TSPAN15: variants seen among roughly 807,000 people sequenced by gnomAD.
TSPAN15 encodes the protein tetraspanin 15.
A neutral mutation model predicts 34.5 loss-of-function variants in TSPAN15; 20 were observed. That is an observed-to-expected ratio of 0.58 (90% CI 0.41 to 0.84). The LOEUF (loss-of-function observed/expected upper bound fraction) is 0.84. Among genes scored for constraint, TSPAN15 ranks in the 40% least tolerant of loss-of-function variants. The pLI, the probability that TSPAN15 is intolerant of heterozygous loss-of-function variation, is 0.00. For synonymous variants in TSPAN15, 155 were observed against 153.9 expected (o/e 1.01, Z -0.05); for missense variants, 313 against 386.1 (o/e 0.81, Z 1.59).
the TSPAN15 span, among the ~76,000 whole-genome samples, chr10:69,514,825 T>C: frequency 1.1e-4 from 17 of 152,258 alleles, no homozygotes; most frequent in African/African-American, 3.6e-4. Context: ...TATTCCCATC[T>C]TAAACAAGGA....
At chr10:69,524,643 A>C in the TSPAN15 span, among the ~76,000 whole-genome samples, 2 of 146,666 alleles carry the variant, frequency 1.4e-5, 1 homozygote, top group Non-Finnish European at 3.0e-5. Context: ...CAAACTAGAA[A>C]AAAAAAAAAA....
downstream of TSPAN15, among the ~76,000 whole-genome samples, chr10:69,508,233 G>A (rs1202841798): frequency 6.6e-6 from 1 of 151,702 alleles, no homozygotes; most frequent in Non-Finnish European, 1.5e-5. Context: ...ACGAGGTCAG[G>A]TGTTCGAGAC....
the TSPAN15 span, among the ~76,000 whole-genome samples, chr10:69,530,814 CTCTCTCTATATATATATATATA>C: frequency 1.6e-3 from 100 of 61,342 alleles, 3 homozygotes; most frequent in South Asian, 5.5e-3. Flanking sequence ...CTCTCTCTCT[CTCTCTCTATATATATATATATA>C]TATATATATA....
At chr10:69,497,344 C>T (rs996089516) in intron 4 of TSPAN15, among the ~76,000 whole-genome samples, 3 of 152,196 alleles carry the variant, frequency 2.0e-5, no homozygotes, top group Non-Finnish European at 2.9e-5. Flanking sequence ...CATGGTCCAG[C>T]CTGTGCCGCC....
downstream of TSPAN15, among the ~76,000 whole-genome samples, chr10:69,509,473 C>G (rs1842394249): frequency 6.7e-6 from 1 of 148,508 alleles, no homozygotes; most frequent in Admixed American, 6.7e-5. Flanking sequence ...CCTTTAAATT[C>G]TGGATATTAG....
intron 5 of TSPAN15, 21 bp downstream of exon 5, chr10:69,498,417 G>T (rs1842134807): frequency 6.9e-6 from 11 of 1,601,980 alleles, no homozygotes; most frequent in Non-Finnish European, 9.4e-6. Context: ...CTCCTGTGGG[G>T]ACTGGGGGGC....
chr10:69,507,126 A>G lies in TSPAN15; in HGVS notation c.*148A>G. Reference sequence around the variant, plus strand: ...CTGTGTGTGCCTGTGTGTAGGTCCCACGGCCTCTGCCTCCCCAGGGAGCAG... The same window carrying G: ...CTGTGTGTGCCTGTGTGTAGGTCCCGCGGCCTCTGCCTCCCCAGGGAGCAG... On this transcript the variant is annotated 3_prime_UTR_variant, in exon 8 of 8. Transcript: ENST00000373290. 1 of 1,455,922 alleles carries G rather than the reference A, an allele frequency of 6.9e-7. No homozygotes were observed. The highest frequency in any genetic ancestry group is 2.5e-5 in the East Asian group (1 of 39,292). 90.2% of individuals were successfully genotyped at this position (1,455,922 alleles called of 1,614,324 possible). A position where few individuals can be genotyped will look rare whatever the true frequency, so the allele number is the denominator to read the frequency against.
intron 1 of TSPAN15, among the ~76,000 whole-genome samples, chr10:69,462,643 G>A (rs10823384): frequency 0.4 from 60,694 of 152,056 alleles, 12,628 homozygotes; most frequent in Non-Finnish European, 0.45. Context: ...CCCTACCTGT[G>A]ATTTTTAAAC....
At position 69,481,756 on chromosome 10, in the gene TSPAN15, CAT is replaced by C. The variant is rs1273691774; in HGVS notation, c.97-1934_97-1933del. ...TTCCTTGGACCCTAGCTGACAGCAC[CAT>C]GTCTTCCACTTACTCTCCCATGTTG... On this transcript the variant is annotated intron_variant, in intron 1 of 7. Transcript: ENST00000373290. Among the ~76,000 whole-genome samples the C allele has an allele frequency of 5.3e-5, 8 of 152,222 alleles. No homozygotes were observed. In the East Asian group the frequency reaches 1.4e-3, roughly 26 times the overall value.
At chr10:69,526,076 T>C in the TSPAN15 span, among the ~76,000 whole-genome samples, 1 of 146,294 alleles carries the variant, frequency 6.8e-6, no homozygotes, top group Non-Finnish European at 1.5e-5. Flanking sequence ...CAAGCCCGGA[T>C]AAGATTGAGA....
chr10:69,538,140 A>G, the TSPAN15 span, among the ~76,000 whole-genome samples: 6 of 152,214 alleles, frequency 3.9e-5, no homozygotes, highest in African/African-American at 1.2e-4. Context: ...CAAAGGCCCC[A>G]TCACCAAATA....
intron 1 of TSPAN15, among the ~76,000 whole-genome samples, chr10:69,476,538 C>CA (rs1341581108): frequency 1.4e-5 from 2 of 143,740 alleles, no homozygotes; most frequent in Non-Finnish European, 3.0e-5. Context: ...GCCTGGATGA[C>CA]AGAGTGAGAC....
intron 5 of TSPAN15, among the ~76,000 whole-genome samples, chr10:69,502,891 T>C (rs985157223): frequency 9.2e-5 from 14 of 152,228 alleles, no homozygotes; most frequent in Non-Finnish European, 1.8e-4. Context: ...TTTGTTATGT[T>C]CATTATCTCC....
chr10:69,467,483 A>G (rs1303362189), intron 1 of TSPAN15, among the ~76,000 whole-genome samples: 1 of 152,120 alleles, frequency 6.6e-6, no homozygotes, highest in African/African-American at 2.4e-5. Context: ...GTGTGGTGGC[A>G]TGTGCCTGCA....
chr10:69,473,530 G>C (rs1004420413), intron 1 of TSPAN15, among the ~76,000 whole-genome samples: 3 of 152,174 alleles, frequency 2.0e-5, no homozygotes, highest in Non-Finnish European at 4.4e-5. Context: ...AGAGGAGGAG[G>C]GGGGCCGCCC....
intron 2 of TSPAN15, chr10:69,484,227 G>A (rs376901960): frequency 1.0e-5 from 2 of 192,824 alleles, no homozygotes; most frequent in South Asian, 1.5e-4. Flanking sequence ...GGGTCCAGGG[G>A]TTTAGATGGC....
At chr10:69,533,009 C>A in the TSPAN15 span, among the ~76,000 whole-genome samples, 45 of 152,156 alleles carry the variant, frequency 3.0e-4, 1 homozygote, top group Middle Eastern at 0.02. Context: ...TGGTCATAAT[C>A]AAAAAATCAA....
At chr10:69,531,810 C>T in the TSPAN15 span, among the ~76,000 whole-genome samples, 1 of 152,082 alleles carries the variant, frequency 6.6e-6, no homozygotes, top group Non-Finnish European at 1.5e-5. Context: ...TCCAGCATCA[C>T]TTTACAATTA....
rs1270759351 is a variant in TSPAN15 at position 69,504,529 on chromosome 10, T to G, written c.618+44T>G. 1.9e-6 allele frequency: 3 copies of G among 1,602,580 alleles called. No homozygotes were observed. The African/African-American group carries it at 4.0e-5, about 21-fold the overall frequency. ...CTTTCCCTGGAAATGTTGCTCTTCC[T>G]GGTCCACCCTGGGGTGATCGGAGGG... On this transcript the variant is annotated intron_variant, in intron 6 of 7. Transcript: ENST00000373290.
Sources: allele counts gnomAD v4.1 joint callset (sites outside exome capture counted in the v4.1 genomes callset), GRCh38; gene constraint gnomAD v4.1.1; transcripts MANE v1.5; gene names NCBI Gene and HGNC (gene_info 2026-07-23, HGNC 2026-07-21).